Variants in CLEC2D observed in about 807,000 individuals in gnomAD.
CLEC2D encodes C-type lectin domain family 2 member D.
In CLEC2D, 16 loss-of-function variants were observed where a neutral mutation model predicts 20.0. That is an observed-to-expected ratio of 0.80 (90% CI 0.54 to 1.22). The LOEUF (loss-of-function observed/expected upper bound fraction) is 1.22. Ranked by LOEUF, CLEC2D falls within the 50% of genes most tolerant of loss-of-function variation. The pLI is 0.00. For missense variants in CLEC2D, 207 were observed against 221.5 expected, an observed-to-expected ratio of 0.93 and a Z score of 0.42; for synonymous variants, 77 against 71.1, an observed-to-expected ratio of 1.08 and a Z score of -0.42.
At chr12:9,686,731 A>G (rs1865756200) in intron 2 of CLEC2D, among the ~76,000 whole-genome samples, 2 of 152,170 alleles carry the variant, frequency 1.3e-5, no homozygotes, top group African/African-American at 4.8e-5. Context: ...ATCTGGAGAG[A>G]CATTCATTCA....
chr12:9,686,990 C>T (rs1865762139), intron 2 of CLEC2D, among the ~76,000 whole-genome samples: 1 of 152,176 alleles, frequency 6.6e-6, no homozygotes, highest in Non-Finnish European at 1.5e-5. Context: ...TTTACCAAGT[C>T]ATCTGGAGCA....
At position 9,688,103 on chromosome 12, in the gene CLEC2D, G is replaced by C; in HGVS notation, c.357+17G>C. 1 of 1,553,542 alleles carries C rather than the reference G, an allele frequency of 6.4e-7. No homozygotes were observed. The highest frequency in any genetic ancestry group is 8.7e-7 in the Non-Finnish European group (1 of 1,149,144). ...CAGGAACTGGTAAGAAAATAGTTCT[G>C]GCCAGAATCAAAGATTCAGCCCTAC... On this transcript the variant is annotated intron_variant, in intron 3 of 4. Transcript: ENST00000290855.
rs113015925 is a variant in CLEC2D, at chr12:9,695,273, G to A, written c.*399G>A. On this transcript the variant is annotated 3_prime_UTR_variant, in exon 5 of 5. Coordinates refer to ENST00000290855, the MANE Select transcript of CLEC2D (RefSeq NM_013269.6). ...ACAACCATCAGATATCTTGAGACAA[G>A]AACAGTATGGGGCTCCCTGGTGTGA... The A allele has an allele frequency of 7.3e-6, 5 of 688,934 alleles. No homozygotes were observed. Among genetic ancestry groups the A allele is most frequent in the Non-Finnish European group, 1.0e-5 (4 of 382,648 alleles). The allele number at this position is 688,934 out of a possible 1,614,324, so 42.7% of individuals were successfully genotyped here. A position where few individuals can be genotyped will look rare whatever the true frequency, so the allele number is the denominator to read the frequency against.
intron 1 of CLEC2D, among the ~76,000 whole-genome samples, chr12:9,671,739 A>G (rs1479895833): frequency 6.6e-6 from 1 of 152,202 alleles, no homozygotes; most frequent in Non-Finnish European, 1.5e-5. Flanking sequence ...TTATGCTGAC[A>G]GAGGCTCAAT....
At chr12:9,671,720 G>A (rs936057453) in intron 1 of CLEC2D, among the ~76,000 whole-genome samples, 1 of 152,170 alleles carries the variant, frequency 6.6e-6, no homozygotes, top group African/African-American at 2.4e-5. Context: ...TTCTCCTGGA[G>A]CCCTCTCTTT....
intron 1 of CLEC2D, among the ~76,000 whole-genome samples, chr12:9,669,997 G>A (rs1865376229): frequency 6.6e-6 from 1 of 151,260 alleles, no homozygotes; most frequent in African/African-American, 2.4e-5. Flanking sequence ...TAAGGAGAGG[G>A]AACAATGAGA....
chr12:9,671,246 T>TGG (rs1485110756), intron 1 of CLEC2D, among the ~76,000 whole-genome samples: 5 of 152,102 alleles, frequency 3.3e-5, no homozygotes, highest in African/African-American at 1.2e-4. Context: ...TTTTTTGAGG[T>TGG]GGAGTCTCAC....
chr12:9,693,891 G>A (rs1230639655), intron 4 of CLEC2D: 1 of 414,586 alleles, frequency 2.4e-6, no homozygotes, highest in Non-Finnish European at 4.8e-6. Context: ...CTGCAGCCTT[G>A]ACTTCCCTGG....
intron 3 of CLEC2D, 101 bp downstream of exon 3, chr12:9,688,187 TTGA>T: frequency 1.2e-5 from 14 of 1,187,038 alleles, no homozygotes; most frequent in East Asian, 3.6e-5. Flanking sequence ...TGCTTTTACA[TTGA>T]TTTTTTTTTT....
chr12:9,680,998 C>T lies in CLEC2D; in HGVS notation c.137C>T (p.Thr46Ile). The change falls in exon 2 of 5, where the codon ACA (threonine) becomes ATA (isoleucine). Residue 46 changes from threonine (T) to isoleucine (I), a missense_variant. Thr to Ile is a moderately conservative substitution (Grantham distance 89). Transcript: ENST00000290855. ...WRLFFLIMFLTIIVCGMVAAL... is the reference protein window; with the variant it reads ...WRLFFLIMFLIIIVCGMVAAL... ...TTATTTTTCTTAATCATGTTTCTGACAATCATAGTGTGTGGAATGGTTGCT... is the reference window on the plus strand; with the variant it reads ...TTATTTTTCTTAATCATGTTTCTGATAATCATAGTGTGTGGAATGGTTGCT... 4 of 1,601,546 alleles carry T rather than the reference C, an allele frequency of 2.5e-6. No homozygotes were observed. Among genetic ancestry groups the T allele is most frequent in the Non-Finnish European group, 3.4e-6 (4 of 1,169,490 alleles).
intron 2 of CLEC2D, among the ~76,000 whole-genome samples, chr12:9,684,192 A>G (rs1257269418): frequency 6.6e-6 from 1 of 152,130 alleles, no homozygotes; most frequent in Non-Finnish European, 1.5e-5. Flanking sequence ...TTATTGGTGT[A>G]TAGGAATGCT....
At chr12:9,693,187 A>T in intron 4 of CLEC2D, 1 of 1,080,252 alleles carries the variant, frequency 9.3e-7, no homozygotes, top group South Asian at 1.3e-5. Flanking sequence ...ATTTTAAGCA[A>T]ACCATACAAT....
At position 9,698,955 on chromosome 12, in the gene CLEC2D, C is replaced by T. The variant is rs1026620592; in HGVS notation, c.*4081C>T. On this transcript the variant is annotated 3_prime_UTR_variant, in exon 5 of 5. Coordinates refer to ENST00000290855, the MANE Select transcript of CLEC2D (RefSeq NM_013269.6). The stretch of plus-strand genomic sequence containing the variant: ...AATAAGAAAACAGTTAATTCTGGTG[C>T]CTTCCATGGGTTTTCATTAACTGAA... 3 of 152,124 alleles carry T rather than the reference C, an allele frequency of 2.0e-5. No homozygotes were observed. Among genetic ancestry groups the T allele is most frequent in the Non-Finnish European group, 4.4e-5 (3 of 68,022 alleles). 9.4% of individuals were successfully genotyped at this position (152,124 alleles called of 1,614,324 possible). A position where few individuals can be genotyped will look rare whatever the true frequency, so the allele number is the denominator to read the frequency against.
intron 2 of CLEC2D, among the ~76,000 whole-genome samples, chr12:9,686,559 A>G (rs1237424195): frequency 6.6e-6 from 1 of 152,190 alleles, no homozygotes; most frequent in Non-Finnish European, 1.5e-5. Flanking sequence ...TCATCTCACA[A>G]GAGCCAAATC....
At chr12:9,693,903 T>C in intron 4 of CLEC2D, 1 of 404,570 alleles carries the variant, frequency 2.5e-6, no homozygotes, top group African/African-American at 2.2e-5. Context: ...CTTCCCTGGC[T>C]CAAGTGAGCC....
intron 3 of CLEC2D, among the ~76,000 whole-genome samples, chr12:9,691,950 A>G (rs1258385270): frequency 6.6e-6 from 1 of 152,162 alleles, no homozygotes; most frequent in Non-Finnish European, 1.5e-5. Context: ...TTGTTTATAT[A>G]TTTAATTGCG....
intron 3 of CLEC2D, 188 bp downstream of exon 3, chr12:9,688,274 C>T: frequency 8.9e-7 from 1 of 1,123,408 alleles, no homozygotes; most frequent in Non-Finnish European, 1.1e-6. Flanking sequence ...CTAAAATTAC[C>T]TTAATATTCG....
At chr12:9,671,731 A>G (rs1865429669) in intron 1 of CLEC2D, among the ~76,000 whole-genome samples, 1 of 152,156 alleles carries the variant, frequency 6.6e-6, no homozygotes, top group Non-Finnish European at 1.5e-5. Flanking sequence ...CCCTCTCTTT[A>G]TGCTGACAGA....
rs185865530 is a variant in CLEC2D, at chr12:9,683,184, T to C, written c.172+2151T>C. ...CTGTTCATATCTTTTGCCCATTTTT[T>C]GATAGGGTTTTTTGTTTTATTCTTG... On this transcript the variant is annotated intron_variant, in intron 2 of 4. Transcript: ENST00000290855. Among the ~76,000 whole-genome samples, 192 of 152,294 alleles carry C rather than the reference T, an allele frequency of 1.3e-3. 1 individual carries two copies. Among genetic ancestry groups the C allele is most frequent in the South Asian group, 8.9e-3 (43 of 4,824 alleles).
Sources: allele counts gnomAD v4.1 joint callset (sites outside exome capture counted in the v4.1 genomes callset), GRCh38; gene constraint gnomAD v4.1.1; transcripts MANE v1.5; gene names NCBI Gene and HGNC (gene_info 2026-07-23, HGNC 2026-07-21).